The following KCNK9 variants were observed in gnomAD, a reference collection of about 807,000 sequenced individuals.
The protein encoded by KCNK9 is potassium two pore domain channel subfamily K member 9.
In KCNK9, 1 loss-of-function variant was observed where a neutral mutation model predicts 10.8. The observed-to-expected ratio is 0.09, with a 90% CI of 0.03 to 0.44. The LOEUF (loss-of-function observed/expected upper bound fraction) is 0.44. Among genes scored for constraint, KCNK9 ranks in the 20% least tolerant of loss-of-function variants. The pLI is 0.97. For synonymous variants in KCNK9, 231 were observed against 222.7 expected (o/e 1.04, Z -0.33); for missense variants, 303 against 515.0 (o/e 0.59, Z 3.98).
At chr8:139,642,252 T>C (rs1162857739) in intron 1 of KCNK9, among the ~76,000 whole-genome samples, 2 of 151,946 alleles carry the variant, frequency 1.3e-5, no homozygotes, top group African/African-American at 4.8e-5. Context: ...GCGAATGTAG[T>C]GGCTCCTTCG....
rs750019412 is a variant in KCNK9 at position 139,619,125 on chromosome 8, G to A, written c.284-26C>T. On this transcript the variant is annotated intron_variant, in intron 1 of 1. Coordinates refer to ENST00000520439, the MANE Select transcript of KCNK9 (RefSeq NM_001282534.2). ...CTGTGGGAAGGGGATGAGAAGAACA[G>A]AGAGAGCAAGTGAGGAGGGGTCTAG... 20 of 1,612,948 alleles carry A rather than the reference G, an allele frequency of 1.2e-5. No homozygotes were observed. The East Asian group carries it at 4.5e-4, about 36-fold the overall frequency.
At chr8:139,601,253 CCTT>C (rs1817360832) in exon 3 of KCNK9, 1 of 152,222 alleles carries the variant, frequency 6.6e-6, no homozygotes, top group African/African-American at 2.4e-5. Flanking sequence ...TAGTGACAGA[CCTT>C]CTAGCTCTGT....
intron 1 of KCNK9, among the ~76,000 whole-genome samples, chr8:139,701,131 G>A (rs750920626): frequency 1.3e-5 from 2 of 152,124 alleles, no homozygotes; most frequent in South Asian, 2.1e-4. Flanking sequence ...GTGCATCTGC[G>A]TGCCACTGCC....
At chr8:139,689,644 T>C (rs1436701827) in intron 1 of KCNK9, among the ~76,000 whole-genome samples, 17 of 2,636 alleles carry the variant, frequency 6.4e-3, no homozygotes, top group Middle Eastern at 0.083. Context: ...TTTGCCATCA[T>C]TTTTTTTTTT....
At chr8:139,611,193 G>C (rs1814412782), downstream of KCNK9, 1 of 152,232 alleles carries the variant, frequency 6.6e-6, no homozygotes, top group Admixed American at 6.5e-5. Context: ...AACACTGTCA[G>C]GGTGCTTGGC....
At chr8:139,678,562 G>T (rs780490759) in intron 1 of KCNK9, among the ~76,000 whole-genome samples, 2 of 152,236 alleles carry the variant, frequency 1.3e-5, no homozygotes, top group Non-Finnish European at 2.9e-5. Context: ...CATGCAGCTG[G>T]AATGTTCTCT....
At chr8:139,677,532 A>G (rs1816575604) in intron 1 of KCNK9, among the ~76,000 whole-genome samples, 1 of 152,156 alleles carries the variant, frequency 6.6e-6, no homozygotes, top group African/African-American at 2.4e-5. Context: ...CAAGCATTTG[A>G]CTGAGGGTGA....
chr8:139,687,352 A>G (rs1586692441), intron 1 of KCNK9, among the ~76,000 whole-genome samples: 1 of 147,164 alleles, frequency 6.8e-6, no homozygotes, highest in African/African-American at 2.5e-5. Flanking sequence ...ATATATATAT[A>G]TGTATACATA....
At chr8:139,609,106 A>ACCCCCCCCCG (rs1554617339), downstream of KCNK9, among the ~76,000 whole-genome samples, 41 of 123,930 alleles carry the variant, frequency 3.3e-4, no homozygotes, top group Admixed American at 5.0e-4. Flanking sequence ...GACCCATCCC[A>ACCCCCCCCCG]CCCCACCCCG....
intron 1 of KCNK9, among the ~76,000 whole-genome samples, chr8:139,680,175 C>G (rs1816656722): frequency 6.6e-6 from 1 of 152,222 alleles, no homozygotes; most frequent in Non-Finnish European, 1.5e-5. Flanking sequence ...CAGAGCCAGC[C>G]AAGCGCGGGC....
chr8:139,660,448 AAAT>A (rs1563739980), intron 1 of KCNK9, among the ~76,000 whole-genome samples: 1 of 124,556 alleles, frequency 8.0e-6, no homozygotes, highest in African/African-American at 4.0e-5. Context: ...TGCTAAAAAA[AAAT>A]ATATATATAT....
chr8:139,629,845 A>G (rs1815104738), intron 1 of KCNK9, among the ~76,000 whole-genome samples: 1 of 152,126 alleles, frequency 6.6e-6, no homozygotes. Flanking sequence ...ACCCCATTTA[A>G]CCTCAATTAC....
chr8:139,644,443 C>T (rs1025157048), intron 1 of KCNK9, among the ~76,000 whole-genome samples: 2 of 152,174 alleles, frequency 1.3e-5, no homozygotes, highest in Admixed American at 6.5e-5. Context: ...GATCACAGCC[C>T]ACGGCTGAAA....
At chr8:139,630,624 G>A (rs904930233) in intron 1 of KCNK9, among the ~76,000 whole-genome samples, 19 of 152,198 alleles carry the variant, frequency 1.2e-4, no homozygotes, top group African/African-American at 3.1e-4. Flanking sequence ...GTGGCAGCTC[G>A]GAGAGGGTGT....
intron 1 of KCNK9, among the ~76,000 whole-genome samples, chr8:139,651,915 T>A (rs1371900878): frequency 6.6e-6 from 1 of 152,146 alleles, no homozygotes; most frequent in African/African-American, 2.4e-5. Flanking sequence ...TACCAAATGC[T>A]GTGGTCCAAG....
chr8:139,601,450 G>A (rs1200110817), exon 3 of KCNK9: 1 of 152,196 alleles, frequency 6.6e-6, no homozygotes, highest in Admixed American at 6.5e-5. Context: ...TGAAAAGCGA[G>A]ATCTGGATTT....
At chr8:139,695,379 C>T (rs1817025445) in intron 1 of KCNK9, among the ~76,000 whole-genome samples, 1 of 152,212 alleles carries the variant, frequency 6.6e-6, no homozygotes, top group African/African-American at 2.4e-5. Context: ...GAACTGGCTA[C>T]AAAGGGCATT....
chr8:139,699,429 G>C lies in KCNK9; in HGVS notation c.283+3281C>G, dbSNP rs574940592. On this transcript the variant is annotated intron_variant, in intron 1 of 1. Transcript: ENST00000520439. The stretch of plus-strand genomic sequence containing the variant: ...CCAACAGGTGGTGGGGCGGGGGTTG[G>C]GGGGAAACTCAGACTGAACCCCTAA... 2.0e-3 allele frequency among the ~76,000 whole-genome samples: 298 copies of C among 152,280 alleles called. 3 individuals carry two copies. The highest frequency in any genetic ancestry group is 7.0e-3 in the African/African-American group (290 of 41,538).
At chr8:139,623,987 G>T (rs551492501) in intron 1 of KCNK9, among the ~76,000 whole-genome samples, 1 of 152,174 alleles carries the variant, frequency 6.6e-6, no homozygotes, top group East Asian at 1.9e-4. Flanking sequence ...ACCCACAACC[G>T]CCCCGCAAGA....
Sources: gnomAD v4.1 joint callset for allele counts (sites outside exome capture counted in the v4.1 genomes callset) on GRCh38, gnomAD v4.1.1 for gene constraint, MANE v1.5 for transcripts, NCBI Gene and HGNC (gene_info 2026-07-23, HGNC 2026-07-21) for gene names.